Variants in ATP6V0A2 observed in about 807,000 individuals in gnomAD.
The protein encoded by ATP6V0A2 is V-type proton ATPase 116 kDa subunit a 2.
Under a neutral mutation model 104.4 loss-of-function variants are expected in ATP6V0A2, and 58 were observed. The ratio of observed to expected loss-of-function variants is 0.56; its 90% CI spans 0.45 to 0.69. The LOEUF (loss-of-function observed/expected upper bound fraction) is 0.69. ATP6V0A2 is among the 30% of genes least tolerant of loss of function. The probability of loss-of-function intolerance (pLI) is 0.00; values close to 1 mark genes in which losing one functional copy is unlikely to be tolerated. For missense variants in ATP6V0A2, 938 were observed against 1,062.9 expected (o/e 0.88, Z 1.63); for synonymous variants, 376 against 397.9 (o/e 0.95, Z 0.65).
In ATP6V0A2 at chr12:123,760,403, T is replaced by C. The variant is rs540706275; in HGVS notation, c.*2371T>C. 3 of 152,312 alleles carry C rather than the reference T, an allele frequency of 2.0e-5. No homozygotes were observed. The highest frequency in any genetic ancestry group is 7.2e-5 in the African/African-American group (3 of 41,580). The allele number at this position is 152,312 out of a possible 1,614,324, so 9.4% of individuals were successfully genotyped here. On this transcript the variant is annotated 3_prime_UTR_variant, in exon 20 of 20. Transcript: ENST00000330342. The stretch of plus-strand genomic sequence containing the variant: ...TATAGGGGCCACGGGAATTTGTTTC[T>C]CTATAAAGCGATGGGCTCCAGTGTC...
intron 5 of ATP6V0A2, among the ~76,000 whole-genome samples, chr12:123,727,152 G>T (rs899888543): frequency 6.6e-6 from 1 of 152,152 alleles, no homozygotes; most frequent in Admixed American, 6.6e-5. Flanking sequence ...AGTTGTATCT[G>T]CTCACCTTAT....
chr12:123,754,159 A>C, intron 17 of ATP6V0A2: 1 of 585,800 alleles, frequency 1.7e-6, no homozygotes, highest in Non-Finnish European at 3.0e-6. Context: ...TGGTTTACAC[A>C]GGGGAGTCTG....
At position 123,761,332 on chromosome 12, in the gene ATP6V0A2, C is replaced by CTA. The variant is rs1219347921; in HGVS notation, c.*3302_*3303dup. The stretch of plus-strand genomic sequence containing the variant: ...TGGAAAAGAAAAACAACTTCTACAC[C>CTA]TATTCTACAGTCCGCATTTAAAACA... On this transcript the variant is annotated 3_prime_UTR_variant, in exon 20 of 20. Transcript: ENST00000330342. 1 of 152,200 alleles carries CTA rather than the reference C, an allele frequency of 6.6e-6. No homozygotes were observed. Among genetic ancestry groups the CTA allele is most frequent in the African/African-American group, 2.4e-5 (1 of 41,440 alleles). The allele number at this position is 152,200 out of a possible 1,614,324, so 9.4% of individuals were successfully genotyped here.
In ATP6V0A2 at chr12:123,761,276, A is replaced by G. The variant is rs1220090381; in HGVS notation, c.*3244A>G. On this transcript the variant is annotated 3_prime_UTR_variant, in exon 20 of 20. Coordinates refer to ENST00000330342, the MANE Select transcript of ATP6V0A2 (RefSeq NM_012463.4). ...CAGCCTTACGATGTCCATGAATTAC[A>G]TATTCAGACGTTTTAGAGCCTGATA... 1.3e-5 allele frequency: 2 copies of G among 152,260 alleles called. No individual in the cohort carries two copies. The highest frequency in any genetic ancestry group is 1.3e-4 in the Admixed American group (2 of 15,284). The allele number at this position is 152,260 out of a possible 1,614,324, so 9.4% of individuals were successfully genotyped here.
Position 123,719,672 on chromosome 12 carries a change from G to A in ATP6V0A2, c.196+971G>A, listed in dbSNP as rs796210825. Among the ~76,000 whole-genome samples the A allele has an allele frequency of 3.3e-5, 5 of 151,906 alleles. No individual in the cohort carries two copies. In the South Asian group the frequency reaches 1.0e-3, roughly 32 times the overall value. ...TGGTACTGCCAACACTTCCCCCAAA[G>A]CTCTCCGTGCTGCCTACCCCTCCCC... On this transcript the variant is annotated intron_variant, in intron 2 of 19. Transcript: ENST00000330342.
In ATP6V0A2 at chr12:123,730,162, C is replaced by G. The variant is rs1158799179; in HGVS notation, c.648+2253C>G. Among the ~76,000 whole-genome samples the G allele has an allele frequency of 4.0e-5, 6 of 148,778 alleles. No homozygotes were observed. In the Admixed American group the frequency reaches 4.1e-4, roughly 10 times the overall value. The stretch of plus-strand genomic sequence containing the variant: ...CTCCGCCTCCTGGGTTCACGCCATT[C>G]TCCTGCCTCAGCCTCTCAAGTAGCT... On this transcript the variant is annotated intron_variant, in intron 6 of 19. Coordinates refer to ENST00000330342, the MANE Select transcript of ATP6V0A2 (RefSeq NM_012463.4).
intron 1 of ATP6V0A2, among the ~76,000 whole-genome samples, chr12:123,715,725 C>CT (rs914491152): frequency 3.3e-5 from 5 of 152,310 alleles, no homozygotes; most frequent in African/African-American, 1.2e-4. Context: ...TAGAAATTAA[C>CT]TTTAACTTTT....
At position 123,727,801 on chromosome 12, in the gene ATP6V0A2, T is replaced by C; in HGVS notation, c.540T>C (p.Ile180=). 1 of 1,614,188 alleles carries C rather than the reference T, an allele frequency of 6.2e-7. No homozygotes were observed. The highest frequency in any genetic ancestry group is 8.5e-7 in the Non-Finnish European group (1 of 1,180,030). The change falls in exon 6 of 20, where the codon ATT becomes ATC. Residue 180 remains isoleucine, a synonymous_variant. Coordinates refer to ENST00000330342, the MANE Select transcript of ATP6V0A2 (RefSeq NM_012463.4). ...CTCACAGATTTGTGTCTGGCCTAAT[T>C]AACCAAGGAAAAGTGGAAGCATTTG... The part of the protein sequence containing the change: ...GAKLGFVSGL[I]NQGKVEAFEK...
At chr12:123,731,421 C>T (rs1362447115) in intron 6 of ATP6V0A2, 1 of 152,222 alleles carries the variant, frequency 6.6e-6, no homozygotes, top group Non-Finnish European at 1.5e-5. Context: ...TGACCATTCT[C>T]TCTGCATCAA....
chr12:123,719,689 C>T (rs1197711797), intron 2 of ATP6V0A2, among the ~76,000 whole-genome samples: 2 of 152,062 alleles, frequency 1.3e-5, no homozygotes, highest in African/African-American at 2.4e-5. Flanking sequence ...GTGCTGCCTA[C>T]CCCTCCCCCT....
intron 6 of ATP6V0A2, among the ~76,000 whole-genome samples, chr12:123,728,336 G>A (rs746042975): frequency 1.3e-5 from 2 of 150,420 alleles, no homozygotes; most frequent in Non-Finnish European, 2.9e-5. Context: ...ATCCTCCCAC[G>A]TAGGCCTCTC....
At chr12:123,746,839 A>G (rs904277600) in intron 13 of ATP6V0A2, among the ~76,000 whole-genome samples, 3 of 151,898 alleles carry the variant, frequency 2.0e-5, no homozygotes, top group Non-Finnish European at 4.4e-5. Context: ...AGGCTGAGGC[A>G]GGAGAATCGC....
intron 1 of ATP6V0A2, 87 bp from the exon 2 acceptor site, chr12:123,718,536 C>T: frequency 3.2e-6 from 3 of 939,612 alleles, no homozygotes; most frequent in Non-Finnish European, 5.0e-6. Context: ...AGTGTACATC[C>T]CCCAAACTTT....
chr12:123,712,793 C>T (rs1051153344), intron 1 of ATP6V0A2, 111 bp downstream of exon 1: 1 of 939,664 alleles, frequency 1.1e-6, no homozygotes, highest in African/African-American at 1.6e-5. Context: ...CGCCCCGTCC[C>T]CATTGTCCAG....
intron 3 of ATP6V0A2, among the ~76,000 whole-genome samples, chr12:123,722,894 G>A (rs976135861): frequency 6.6e-6 from 1 of 151,868 alleles, no homozygotes; most frequent in Non-Finnish European, 1.5e-5. Flanking sequence ...TCTAAATTTT[G>A]GAAGCTGGTA....
Position 123,758,211 on chromosome 12 carries a change from C to T in ATP6V0A2, c.*179C>T, listed in dbSNP as rs1956782885. Reference sequence around the variant, plus strand: ...ATGTTAAATATTTTGTAAAGTTTACCAATTTGAGATATAAAAATTTCTTTT... The same window carrying T: ...ATGTTAAATATTTTGTAAAGTTTACTAATTTGAGATATAAAAATTTCTTTT... On this transcript the variant is annotated 3_prime_UTR_variant, in exon 20 of 20. Coordinates refer to ENST00000330342, the MANE Select transcript of ATP6V0A2 (RefSeq NM_012463.4). 1.1e-5 allele frequency: 5 copies of T among 465,322 alleles called. No homozygotes were observed. The highest frequency in any genetic ancestry group is 1.5e-5 in the Non-Finnish European group (4 of 265,892). The allele number at this position is 465,322 out of a possible 1,614,324, so 28.8% of individuals were successfully genotyped here.
intron 18 of ATP6V0A2, among the ~76,000 whole-genome samples, chr12:123,756,115 C>A (rs1341537701): frequency 1.3e-5 from 2 of 149,760 alleles, no homozygotes; most frequent in Non-Finnish European, 3.0e-5. Context: ...AAACAACTCT[C>A]TTATTGTTGG....
At position 123,758,289 on chromosome 12, in the gene ATP6V0A2, A is replaced by T. The variant is rs1262082523; in HGVS notation, c.*257A>T. 2 of 317,132 alleles carry T rather than the reference A, an allele frequency of 6.3e-6. No individual in the cohort carries two copies. The highest frequency in any genetic ancestry group is 1.2e-5 in the Non-Finnish European group (2 of 173,224). The allele number at this position is 317,132 out of a possible 1,614,324, so 19.6% of individuals were successfully genotyped here. A position where few individuals can be genotyped will look rare whatever the true frequency, so the allele number is the denominator to read the frequency against. On this transcript the variant is annotated 3_prime_UTR_variant, in exon 20 of 20. Coordinates refer to ENST00000330342, the MANE Select transcript of ATP6V0A2 (RefSeq NM_012463.4). The stretch of plus-strand genomic sequence containing the variant: ...TAATGCCAAACGTTATGTTAAAGTT[A>T]TTTTTTCAAATACAGGATTTGGGGA...
chr12:123,751,090 C>A lies in ATP6V0A2; in HGVS notation c.1936-20C>A. ...AGGCCTTCACGTTTTAATCGGGTTT[C>A]TCACCTTCTGCACTAACAGGAGTAT... On this transcript the variant is annotated intron_variant, in intron 15 of 19. Coordinates refer to ENST00000330342, the MANE Select transcript of ATP6V0A2 (RefSeq NM_012463.4). The A allele has an allele frequency of 6.2e-7, 1 of 1,614,132 alleles. No individual in the cohort carries two copies. Among genetic ancestry groups the A allele is most frequent in the Non-Finnish European group, 8.5e-7 (1 of 1,179,988 alleles).
Sources: gnomAD v4.1 joint callset for allele counts (sites outside exome capture counted in the v4.1 genomes callset) on GRCh38, gnomAD v4.1.1 for gene constraint, MANE v1.5 for transcripts, NCBI Gene and HGNC (gene_info 2026-07-23, HGNC 2026-07-21) for gene names.